VAV2: variants seen among roughly 807,000 people sequenced by gnomAD.
VAV2 encodes the protein vav guanine nucleotide exchange factor 2.
In VAV2, 67 loss-of-function variants were observed where a neutral mutation model predicts 132.5. The ratio of observed to expected loss-of-function variants is 0.51; its 90% CI spans 0.42 to 0.62. The LOEUF is 0.62. Ranked by LOEUF, VAV2 falls within the 20% of genes least tolerant of loss-of-function variation. The pLI is 0.00. For missense variants in VAV2, 938 were observed against 1,153.6 expected (o/e 0.81, Z 2.71); for synonymous variants, 492 against 443.5 (o/e 1.11, Z -1.37).
rs571958964 is a variant in VAV2 at position 133,768,061 on chromosome 9, C to T, written c.2589+381G>A. On this transcript the variant is annotated intron_variant, in intron 29 of 29. Transcript: ENST00000371850. The surrounding 1 kb of genome is among the most constrained non-coding windows in gnomAD (Gnocchi z 5.3). ...GGCAGGAGGAGCCCAGCAAGGACAC[C>T]GTGTCCTCCTCAGTCCTGTGACCTC... Among the ~76,000 whole-genome samples the T allele has an allele frequency of 3.3e-5, 5 of 152,238 alleles. No homozygotes were observed. The highest frequency in any genetic ancestry group is 4.1e-4 in the South Asian group (2 of 4,826).
In VAV2 at chr9:133,768,617, C is replaced by T. The variant is rs1179521709; in HGVS notation, c.2435-21G>A. 6.2e-7 allele frequency: 1 copy of T among 1,609,890 alleles called. No individual in the cohort carries two copies. The highest frequency in any genetic ancestry group is 1.1e-5 in the South Asian group (1 of 90,664). On this transcript the variant is annotated intron_variant, in intron 28 of 29. Transcript: ENST00000371850. The surrounding 1 kb of genome is among the most constrained non-coding windows in gnomAD (Gnocchi z 5.3). ...GAACACTGTTGAGGGAGATGGGCAG[C>T]ATCACACAGCTGCAGGAGGAGCCCA... is the stretch of plus-strand genomic sequence containing the variant.
At position 133,823,529 on chromosome 9, in the gene VAV2, G is replaced by C. The variant is rs1420960371; in HGVS notation, c.449+10743C>G. Among the ~76,000 whole-genome samples, 4 of 152,184 alleles carry C rather than the reference G, an allele frequency of 2.6e-5. No individual in the cohort carries two copies. The highest frequency in any genetic ancestry group is 9.7e-5 in the African/African-American group (4 of 41,438). ...ACTGTGTGTCAGTCAGATCTACGCT[G>C]AATACAAGGGAAATAACGTCAAAAG... On this transcript the variant is annotated intron_variant, in intron 4 of 29. Transcript: ENST00000371850. This position sits in a 1 kb window ranked among gnomAD's most constrained non-coding sequence, Gnocchi z 5.5.
intron 1 of VAV2, among the ~76,000 whole-genome samples, chr9:133,975,104 G>A (rs556948980): frequency 7.9e-5 from 12 of 152,292 alleles, no homozygotes; most frequent in South Asian, 4.1e-4. Context: ...CCAACAGGCC[G>A]TTTCACAGAA....
intron 1 of VAV2, among the ~76,000 whole-genome samples, chr9:133,988,542 G>A (rs1243766869): frequency 6.6e-6 from 1 of 152,144 alleles, no homozygotes; most frequent in Admixed American, 6.5e-5. Flanking sequence ...CAGCAGGGCA[G>A]GTAAGAAAGG....
rs1258793368 is a variant in VAV2 at position 133,961,010 on chromosome 9, G to C, written c.205-21791C>G. Among the ~76,000 whole-genome samples, 1 of 152,226 alleles carries C rather than the reference G, an allele frequency of 6.6e-6. No homozygotes were observed. The highest frequency in any genetic ancestry group is 1.5e-5 in the Non-Finnish European group (1 of 68,038). On this transcript the variant is annotated intron_variant, in intron 1 of 29. Coordinates refer to ENST00000371850, the MANE Select transcript of VAV2 (RefSeq NM_001134398.2). This position sits in a 1 kb window ranked among gnomAD's most constrained non-coding sequence, Gnocchi z 4.1. ...ATGGTGACCACAGGTCTGCCGCCTTGCAATGCGACGCCTGCCTGGGAGCGC... is the reference window on the plus strand; with the variant it reads ...ATGGTGACCACAGGTCTGCCGCCTTCCAATGCGACGCCTGCCTGGGAGCGC...
Position 133,874,101 on chromosome 9 carries a change from G to A in VAV2, c.322-12669C>T, listed in dbSNP as rs368223979. Among the ~76,000 whole-genome samples the A allele has an allele frequency of 1.8e-4, 27 of 152,306 alleles. No homozygotes were observed. In the East Asian group the frequency reaches 2.3e-3, roughly 13 times the overall value. On this transcript the variant is annotated intron_variant, in intron 2 of 29. Coordinates refer to ENST00000371850, the MANE Select transcript of VAV2 (RefSeq NM_001134398.2). ...GCTGGTGCCTCTGGCAGCAGAGCCC[G>A]GCTCTCCACGCCGCCCTGCCCTGGA...
rs545305666 is a variant in VAV2, at chr9:133,948,383, G to A, written c.205-9164C>T. Among the ~76,000 whole-genome samples, 11 of 152,294 alleles carry A rather than the reference G, an allele frequency of 7.2e-5. No homozygotes were observed. The South Asian group carries it at 1.9e-3, about 26-fold the overall frequency. On this transcript the variant is annotated intron_variant, in intron 1 of 29. Transcript: ENST00000371850. ...GTCCCCCTTCGCCCAGCTGGGGTGC[G>A]GAGCTGCTCTACCTGCTGTGATCTG...
chr9:133,773,171 G>A (rs563362124), intron 25 of VAV2, among the ~76,000 whole-genome samples: 3 of 149,036 alleles, frequency 2.0e-5, no homozygotes, highest in Admixed American at 6.7e-5. Flanking sequence ...TAGGCTGGAC[G>A]GCAGAGCCTA....
intron 2 of VAV2, among the ~76,000 whole-genome samples, chr9:133,897,992 A>G (rs548564278): frequency 8.4e-4 from 128 of 152,262 alleles, no homozygotes; most frequent in African/African-American, 2.8e-3. Context: ...GGTGGTTGGA[A>G]GGGGCCCAGC....
chr9:133,908,257 G>A (rs1457619304), intron 2 of VAV2, among the ~76,000 whole-genome samples: 1 of 152,026 alleles, frequency 6.6e-6, no homozygotes, highest in Non-Finnish European at 1.5e-5. Context: ...CAGGAGATGG[G>A]CGGAGATGGG....
intron 23 of VAV2, among the ~76,000 whole-genome samples, chr9:133,776,923 G>A (rs563152429): frequency 5.3e-5 from 8 of 152,310 alleles, no homozygotes; most frequent in South Asian, 2.1e-4. Context: ...TCACAGAGCC[G>A]AGAATTCGCT....
At chr9:133,929,180 C>G (rs1840586828) in intron 2 of VAV2, among the ~76,000 whole-genome samples, 1 of 152,184 alleles carries the variant, frequency 6.6e-6, no homozygotes, top group African/African-American at 2.4e-5. Context: ...CAACCTGTCC[C>G]CAGCCCTCAA....
rs930306188 is a variant in VAV2 at position 133,840,289 on chromosome 9, C to T, written c.381-5949G>A. On this transcript the variant is annotated intron_variant, in intron 3 of 29. Coordinates refer to ENST00000371850, the MANE Select transcript of VAV2 (RefSeq NM_001134398.2). The surrounding 1 kb of genome is among the most constrained non-coding windows in gnomAD (Gnocchi z 4.5). ...CCGCCGAGGGGACGAAGCAGATGTCCGCACAGGAAGCAGAGAAGCCCCAAG... is the reference window on the plus strand; with the variant it reads ...CCGCCGAGGGGACGAAGCAGATGTCTGCACAGGAAGCAGAGAAGCCCCAAG... Among the ~76,000 whole-genome samples, 9 of 152,190 alleles carry T rather than the reference C, an allele frequency of 5.9e-5. No individual in the cohort carries two copies. The highest frequency in any genetic ancestry group is 2.1e-4 in the South Asian group (1 of 4,830).
intron 22 of VAV2, among the ~76,000 whole-genome samples, chr9:133,777,739 G>A (rs760040637): frequency 3.3e-5 from 5 of 152,110 alleles, no homozygotes; most frequent in Non-Finnish European, 7.3e-5. Context: ...TACCCGGGGA[G>A]GGACAGAGCA....
At chr9:133,775,893 C>T (rs1410790820) in intron 24 of VAV2, 135 bp downstream of exon 24, 3 of 1,233,612 alleles carry the variant, frequency 2.4e-6, no homozygotes, top group Non-Finnish European at 3.3e-6. Flanking sequence ...GGCTCAGTGC[C>T]CTGGAGATGG....
chr9:133,886,278 C>T (rs952921872), intron 2 of VAV2, among the ~76,000 whole-genome samples: 4 of 152,332 alleles, frequency 2.6e-5, no homozygotes, highest in African/African-American at 4.8e-5. Flanking sequence ...ATGCTTGCCT[C>T]GGCCCAGAGG....
intron 26 of VAV2, among the ~76,000 whole-genome samples, chr9:133,771,064 T>TC (rs1833605674): frequency 7.1e-6 from 1 of 140,956 alleles, no homozygotes; most frequent in Non-Finnish European, 1.5e-5. Flanking sequence ...TGGATTTTCT[T>TC]TTTTTTTTTT....
chr9:133,778,745 C>A lies in VAV2; in HGVS notation c.1890+17G>T. On this transcript the variant is annotated intron_variant, in intron 22 of 29. Coordinates refer to ENST00000371850, the MANE Select transcript of VAV2 (RefSeq NM_001134398.2). The stretch of plus-strand genomic sequence containing the variant: ...TGGAGCCGGGGACCCTCGACCCTCC[C>A]GGGCCCCAGGACCCACCTCCCACCA... 1 of 1,611,140 alleles carries A rather than the reference C, an allele frequency of 6.2e-7. No homozygotes were observed. Among genetic ancestry groups the A allele is most frequent in the East Asian group, 2.2e-5 (1 of 44,824 alleles).
At chr9:133,789,223 G>A (rs1327020992) in intron 14 of VAV2, 35 bp downstream of exon 14, 1 of 1,610,258 alleles carries the variant, frequency 6.2e-7, no homozygotes, top group East Asian at 2.2e-5. Flanking sequence ...ACCCTGGCGG[G>A]ACGCCACCCA....
Sources: allele counts gnomAD v4.1 joint callset (sites outside exome capture counted in the v4.1 genomes callset), GRCh38; gene constraint gnomAD v4.1.1; non-coding constraint Gnocchi (gnomAD v3.1); transcripts MANE v1.5; gene names NCBI Gene and HGNC (gene_info 2026-07-23, HGNC 2026-07-21).